The following FOXP1 variants were observed in gnomAD, a reference collection of about 807,000 sequenced individuals.
The protein encoded by FOXP1 is forkhead box protein P1.
FOXP1 carries 15 observed loss-of-function variants against 98.2 expected under a neutral mutation model. That is an observed-to-expected ratio of 0.15 (90% CI 0.10 to 0.24). The LOEUF (loss-of-function observed/expected upper bound fraction) is 0.24, where lower values mean the gene tolerates loss of function less well. FOXP1 is among the 10% of genes least tolerant of loss of function. The pLI is 1.00. For synonymous variants in FOXP1, 371 were observed against 314.5 expected (o/e 1.18, Z -1.90); for missense variants, 633 against 848.5 (o/e 0.75, Z 3.15).
chr3:71,383,684 C>T (rs1424263524), intron 3 of FOXP1, among the ~76,000 whole-genome samples: 2 of 152,160 alleles, frequency 1.3e-5, no homozygotes, highest in Non-Finnish European at 2.9e-5. Flanking sequence ...GATCATTTTA[C>T]TAGTCAGCTC....
At chr3:71,373,303 G>A (rs761448925) in intron 3 of FOXP1, among the ~76,000 whole-genome samples, 4 of 141,624 alleles carry the variant, frequency 2.8e-5, no homozygotes, top group African/African-American at 8.0e-5. Flanking sequence ...CATCCTATAT[G>A]CTCCAAAATG....
chr3:71,331,071 G>T (rs1477549931), intron 4 of FOXP1, among the ~76,000 whole-genome samples: 1 of 152,250 alleles, frequency 6.6e-6, no homozygotes, highest in African/African-American at 2.4e-5. Flanking sequence ...TGCACTGTGG[G>T]AGGCCCTTTC....
At chr3:71,208,164 C>T (rs1025633763) in intron 5 of FOXP1, among the ~76,000 whole-genome samples, 5 of 152,178 alleles carry the variant, frequency 3.3e-5, no homozygotes, top group African/African-American at 1.2e-4. Context: ...GGACAACACG[C>T]AAGATAGACA....
chr3:71,442,438 G>A (rs2086022798), intron 3 of FOXP1, among the ~76,000 whole-genome samples: 3 of 151,846 alleles, frequency 2.0e-5, no homozygotes, highest in Admixed American at 1.3e-4. Flanking sequence ...ACACCCACAG[G>A]AGGACACTGG....
chr3:71,504,330 G>A (rs928601039), intron 2 of FOXP1, among the ~76,000 whole-genome samples: 3 of 152,052 alleles, frequency 2.0e-5, no homozygotes, highest in South Asian at 2.1e-4. Flanking sequence ...TATGACGTTG[G>A]CCAGTGACTA....
chr3:71,180,949 T>A (rs1235387694), intron 6 of FOXP1, among the ~76,000 whole-genome samples: 1 of 152,208 alleles, frequency 6.6e-6, no homozygotes. Flanking sequence ...GATTAGGATA[T>A]GTGTTTTCTT....
intron 13 of FOXP1, among the ~76,000 whole-genome samples, chr3:70,989,311 TC>T (rs1388516424): frequency 2.6e-5 from 4 of 151,800 alleles, no homozygotes; most frequent in Non-Finnish European, 5.9e-5. Flanking sequence ...ATTTTTTTTT[TC>T]TTTTTATTCC....
chr3:71,468,114 A>C (rs2088961037), intron 3 of FOXP1, among the ~76,000 whole-genome samples: 1 of 151,990 alleles, frequency 6.6e-6, no homozygotes, highest in African/African-American at 2.4e-5. Context: ...ATCCTTGGAG[A>C]AGCAATGTTT....
intron 2 of FOXP1, among the ~76,000 whole-genome samples, chr3:71,561,782 G>A (rs1286338533): frequency 1.3e-5 from 2 of 152,140 alleles, no homozygotes; most frequent in Non-Finnish European, 2.9e-5. Flanking sequence ...TCGAGCACCA[G>A]TATATTTCTT....
intron 4 of FOXP1, chr3:71,305,678 C>G (rs191462245): frequency 2.0e-5 from 3 of 152,228 alleles, no homozygotes; most frequent in Non-Finnish European, 4.4e-5. Flanking sequence ...CTAGTCCTCA[C>G]GAGCCTTTCT....
At chr3:71,472,933 G>A (rs192638840) in intron 3 of FOXP1, among the ~76,000 whole-genome samples, 156 of 152,216 alleles carry the variant, frequency 1.0e-3, no homozygotes, top group Admixed American at 2.3e-3. Context: ...ACAGTAAGAG[G>A]GATTTTTTTA....
intron 20 of FOXP1, among the ~76,000 whole-genome samples, chr3:70,965,108 A>C (rs1057501786): frequency 2.6e-5 from 4 of 152,254 alleles, no homozygotes; most frequent in Non-Finnish European, 4.4e-5. Context: ...CTGTCATCCC[A>C]CAGCATCTCC....
chr3:71,013,245 C>T (rs928049147), intron 12 of FOXP1, among the ~76,000 whole-genome samples: 20 of 152,098 alleles, frequency 1.3e-4, no homozygotes, highest in African/African-American at 4.8e-4. Flanking sequence ...AAGTCAATAC[C>T]AATATAGAAA....
intron 2 of FOXP1, among the ~76,000 whole-genome samples, chr3:71,520,254 A>C (rs1445070572): frequency 3.3e-5 from 5 of 152,196 alleles, no homozygotes. Flanking sequence ...ACCTTTTTGA[A>C]AAATAGATCA....
chr3:71,054,452 C>T (rs1187466262), intron 7 of FOXP1, among the ~76,000 whole-genome samples: 3 of 152,218 alleles, frequency 2.0e-5, no homozygotes, highest in Non-Finnish European at 4.4e-5. Context: ...ACTGTTAACA[C>T]GTTTCTGCAC....
At chr3:71,019,587 T>C (rs759652452) in intron 11 of FOXP1, among the ~76,000 whole-genome samples, 2 of 152,132 alleles carry the variant, frequency 1.3e-5, no homozygotes, top group Admixed American at 6.5e-5. Flanking sequence ...TCCAGCACTT[T>C]GGGAGGCCGC....
chr3:71,264,368 C>G (rs758128685), intron 5 of FOXP1, among the ~76,000 whole-genome samples: 1 of 152,122 alleles, frequency 6.6e-6, no homozygotes, highest in East Asian at 1.9e-4. Flanking sequence ...ATTCACAAGA[C>G]CCAAGGCTTA....
chr3:71,207,398 C>T lies in FOXP1; in HGVS notation c.-11-9006G>A, dbSNP rs1260859219. Among the ~76,000 whole-genome samples the T allele has an allele frequency of 2.0e-5, 3 of 152,182 alleles. No individual in the cohort carries two copies. The East Asian group carries it at 5.8e-4, about 29-fold the overall frequency. On this transcript the variant is annotated intron_variant, in intron 5 of 20. Transcript: ENST00000649528. The stretch of plus-strand genomic sequence containing the variant: ...TCACCGCTCTAGTGGCCAAAGTGAA[C>T]AATATGTTCACAGCATCATGGTAAT...
chr3:71,044,627 A>G lies in FOXP1; in HGVS notation c.664+2315T>C, dbSNP rs143657668. Among the ~76,000 whole-genome samples the G allele has an allele frequency of 2.3e-3, 346 of 152,370 alleles. 2 individuals carry two copies. Among genetic ancestry groups the G allele is most frequent in the African/African-American group, 7.8e-3 (326 of 41,594 alleles). The stretch of plus-strand genomic sequence containing the variant: ...AGGCCATGAACAGGTATGTAAAATA[A>G]TCTTGATGATTTCATTATGAAGTGG... On this transcript the variant is annotated intron_variant, in intron 10 of 20. Transcript: ENST00000649528.
Sources: allele counts gnomAD v4.1 joint callset (sites outside exome capture counted in the v4.1 genomes callset), GRCh38; gene constraint gnomAD v4.1.1; transcripts MANE v1.5; gene names NCBI Gene and HGNC (gene_info 2026-07-23, HGNC 2026-07-21).